The following USP9Y variants were observed in gnomAD, a reference collection of about 807,000 sequenced individuals.
The protein encoded by USP9Y is ubiquitin specific peptidase 9 Y-linked.
USP9Y carries 41 observed loss-of-function variants against 53.1 expected under a neutral mutation model. The ratio of observed to expected loss-of-function variants is 0.77; its 90% CI spans 0.60 to 1.00. The LOEUF (loss-of-function observed/expected upper bound fraction) is 1.00. Ranked by LOEUF, USP9Y falls within the 50% of genes least tolerant of loss-of-function variation. USP9Y has a pLI of 0.00. For synonymous variants in USP9Y, 220 were observed against 173.7 expected (o/e 1.27, Z -2.09); for missense variants, 567 against 535.8 (o/e 1.06, Z -0.58).
intron 3 of USP9Y, among the ~76,000 whole-genome samples, chrY:12,714,413 T>G: frequency 2.2e-4 from 7 of 31,496 alleles, no homozygotes; most frequent in African/African-American, 8.8e-4. Context: ...GAGCCCTTAG[T>G]GCATTAATGG....
rs749987815 is a variant in USP9Y, at chrY:12,709,486, C to T, written c.39C>T (p.Asn13=). ...AITHGSPVGG[N]DSQGQVLDGQ... ...CTCATGGCTCTCCAGTAGGAGGGAA[C>T]GACAGCCAGGGCCAGGTTCTTGATG... The change falls in exon 3 of 46, where the codon AAC becomes AAT. Residue 13 remains asparagine (N), a synonymous_variant. Coordinates refer to ENST00000338981, the MANE Select transcript of USP9Y (RefSeq NM_004654.4). The T allele has an allele frequency of 7.8e-5, 31 of 396,323 alleles. No individual in the cohort carries two copies. The highest frequency in any genetic ancestry group is 1.5e-4 in the South Asian group (5 of 33,424).
chrY:12,825,180 A>G, intron 33 of USP9Y, among the ~76,000 whole-genome samples: 1 of 32,752 alleles, frequency 3.1e-5, no homozygotes, highest in Non-Finnish European at 7.5e-5. Flanking sequence ...ATCTGCCCCC[A>G]TCAGCCCCCT....
intron 3 of USP9Y, among the ~76,000 whole-genome samples, chrY:12,716,058 G>A: frequency 3.0e-5 from 1 of 33,226 alleles, no homozygotes; most frequent in East Asian, 7.8e-4. Flanking sequence ...GCTTTAATGT[G>A]TCACTTAATG....
rs765264299 is a variant in USP9Y at position 12,734,054 on chromosome Y, T to C, written c.658-1558T>C. On this transcript the variant is annotated intron_variant, in intron 7 of 45. Transcript: ENST00000338981. ...CTGTAAAAATTTCCCAATTCCTCCA[T>C]GAGCCTCACCTCTGTTTATTTTTGC... Among the ~76,000 whole-genome samples, 58 of 33,662 alleles carry C rather than the reference T, an allele frequency of 1.7e-3. No individual in the cohort carries two copies. In the East Asian group the frequency reaches 0.041, roughly 24 times the overall value. 90.3% of individuals were successfully genotyped at this position (33,662 alleles called of 37,273 possible).
chrY:12,787,702 T>A, intron 24 of USP9Y, among the ~76,000 whole-genome samples: 1 of 33,604 alleles, frequency 3.0e-5, no homozygotes, highest in African/African-American at 1.2e-4. Context: ...GAAAGTGGTC[T>A]TGTACATGTC....
intron 14 of USP9Y, 37 bp from the exon 15 acceptor site, chrY:12,760,447 T>C (rs756628306): frequency 5.1e-6 from 2 of 391,787 alleles, no homozygotes; most frequent in East Asian, 9.4e-5. Flanking sequence ...GCAATTTTCA[T>C]GTGCCTTATT....
chrY:12,750,062 G>C, intron 12 of USP9Y, among the ~76,000 whole-genome samples: 3 of 32,635 alleles, frequency 9.2e-5, no homozygotes, highest in African/African-American at 3.6e-4. Context: ...CCGTTTATTT[G>C]GGTCTATCTT....
intron 37 of USP9Y, 24 bp downstream of exon 37, chrY:12,841,157 TTATAGTAC>T: frequency 2.7e-6 from 1 of 373,085 alleles, no homozygotes; most frequent in East Asian, 9.6e-5. Flanking sequence ...GATTTCATTC[TTATAGTAC>T]TTATAGTTGT....
chrY:12,782,340 G>A (rs2053498918), intron 22 of USP9Y, among the ~76,000 whole-genome samples: 1 of 33,365 alleles, frequency 3.0e-5, no homozygotes, highest in Non-Finnish European at 7.4e-5. Flanking sequence ...CTATTCTTAA[G>A]TGATAAAGTG....
At chrY:12,729,819 G>GT (rs2053445823) in intron 7 of USP9Y, among the ~76,000 whole-genome samples, 2 of 33,572 alleles carry the variant, frequency 6.0e-5, no homozygotes, top group African/African-American at 2.3e-4. Flanking sequence ...GATTTGTTTT[G>GT]TTTGTTATGT....
At chrY:12,800,204 G>C in intron 27 of USP9Y, among the ~76,000 whole-genome samples, 1 of 33,524 alleles carries the variant, frequency 3.0e-5, no homozygotes, top group Non-Finnish European at 7.4e-5. Context: ...TGGGTTCCAC[G>C]GTTCTCTTCT....
At chrY:12,783,249 T>A in intron 22 of USP9Y, among the ~76,000 whole-genome samples, 1 of 33,941 alleles carries the variant, frequency 2.9e-5, no homozygotes, top group African/African-American at 1.1e-4. Flanking sequence ...CCATTTCAGC[T>A]TTTGGCATGC....
Position 12,773,813 on chromosome Y carries a change from G to T in USP9Y, c.2219G>T (p.Cys740Phe). ...CTTTTAACTGAAAATGGAATGAAAT[G>T]CTTTGAAAGATTTTTCAAAGCTGTC... ...PSLLTENGMK[C>F]FERFFKAVNC... The change falls in exon 17 of 46, where the codon TGC becomes TTC. Residue 740 changes from cysteine to phenylalanine, a missense_variant. By Grantham distance (205) the Cys-to-Phe change is radical (BLOSUM62 -2). Transcript: ENST00000338981. The T allele has an allele frequency of 2.5e-6, 1 of 397,935 alleles. No individual in the cohort carries two copies. Among genetic ancestry groups the T allele is most frequent in the Non-Finnish European group, 3.5e-6 (1 of 283,149 alleles).
chrY:12,792,032 G>C (rs1027606835), intron 26 of USP9Y, among the ~76,000 whole-genome samples: 1 of 33,773 alleles, frequency 3.0e-5, no homozygotes, highest in African/African-American at 1.2e-4. Context: ...CATTCTAGGA[G>C]GCCAAGGTGG....
At chrY:12,746,195 A>C in intron 12 of USP9Y, among the ~76,000 whole-genome samples, 1 of 33,879 alleles carries the variant, frequency 3.0e-5, no homozygotes, top group Admixed American at 2.7e-4. Flanking sequence ...AGAATCTTGG[A>C]TATCCCATAC....
chrY:12,707,654 C>T (rs568700157), intron 1 of USP9Y, among the ~76,000 whole-genome samples: 27 of 32,441 alleles, frequency 8.3e-4, no homozygotes, highest in African/African-American at 3.2e-3. Context: ...CTCTCTCTCT[C>T]TTTTTTCTTG....
At chrY:12,774,378 AATG>A (rs2053490248) in intron 17 of USP9Y, among the ~76,000 whole-genome samples, 1 of 30,094 alleles carries the variant, frequency 3.3e-5, no homozygotes, top group Non-Finnish European at 8.0e-5. Context: ...AGGCCAGGAG[AATG>A]ATGTGAACCT....
At chrY:12,837,211 A>G in intron 34 of USP9Y, among the ~76,000 whole-genome samples, 1 of 32,676 alleles carries the variant, frequency 3.1e-5, no homozygotes, top group Non-Finnish European at 7.5e-5. Context: ...CCTAGCCACT[A>G]GGGAGGCTGA....
chrY:12,818,257 A>G, intron 32 of USP9Y, among the ~76,000 whole-genome samples, 163 bp from the exon 33 acceptor site: 3 of 33,233 alleles, frequency 9.0e-5, no homozygotes, highest in African/African-American at 3.5e-4. Flanking sequence ...ATCATAACCC[A>G]TCTGTGAAAT....
Sources: allele counts gnomAD v4.1 joint callset (sites outside exome capture counted in the v4.1 genomes callset), GRCh38; gene constraint gnomAD v4.1.1; transcripts MANE v1.5; gene names NCBI Gene and HGNC (gene_info 2026-07-23, HGNC 2026-07-21).